Variants in COX6B1 observed in about 807,000 individuals in gnomAD.
COX6B1 encodes the protein COX VIb-1.
A neutral mutation model predicts 14.0 loss-of-function variants in COX6B1; 2 were observed. That is an observed-to-expected ratio of 0.14 (90% CI 0.06 to 0.45). The LOEUF (loss-of-function observed/expected upper bound fraction) is 0.45, where lower values mean the gene tolerates loss of function less well. Among genes scored for constraint, COX6B1 ranks in the 20% least tolerant of loss-of-function variants. COX6B1 has a pLI of 0.98. For missense variants in COX6B1, 81 were observed against 114.2 expected, an observed-to-expected ratio of 0.71 and a Z score of 1.33; for synonymous variants, 30 against 39.7, an observed-to-expected ratio of 0.76 and a Z score of 0.92.
intron 3 of COX6B1, 127 bp downstream of exon 3, chr19:35,654,798 C>A: frequency 1.3e-6 from 1 of 769,150 alleles, no homozygotes; most frequent in Non-Finnish European, 2.2e-6. Context: ...TGTCCCAGGA[C>A]TCAGTGCCTT....
intron 3 of COX6B1, among the ~76,000 whole-genome samples, chr19:35,656,836 G>A (rs1466543591): frequency 2.0e-5 from 3 of 152,142 alleles, no homozygotes; most frequent in Admixed American, 6.6e-5. Flanking sequence ...GTATGAGGTA[G>A]GTACTATTGT....
intron 2 of COX6B1, among the ~76,000 whole-genome samples, chr19:35,652,638 G>C (rs1033462314): frequency 4.1e-5 from 6 of 147,272 alleles, no homozygotes; most frequent in African/African-American, 7.5e-5. Flanking sequence ...TAAAGACAAG[G>C]TTTCACCATG....
intron 2 of COX6B1, among the ~76,000 whole-genome samples, chr19:35,653,827 CA>C (rs1353253546): frequency 6.6e-6 from 1 of 152,128 alleles, no homozygotes; most frequent in Non-Finnish European, 1.5e-5. Context: ...CTCGGCCTCC[CA>C]AAGTGCTGGG....
intron 1 of COX6B1, among the ~76,000 whole-genome samples, chr19:35,650,640 G>A (rs1298134083): frequency 1.3e-5 from 2 of 151,840 alleles, no homozygotes; most frequent in African/African-American, 2.4e-5. Context: ...TCTTGGAGGC[G>A]GAGTTTGCAG....
chr19:35,654,166 C>T (rs1967861995), intron 2 of COX6B1, among the ~76,000 whole-genome samples: 1 of 152,200 alleles, frequency 6.6e-6, no homozygotes, highest in Non-Finnish European at 1.5e-5. Context: ...TATTCTATGC[C>T]TGTACACTTG....
intron 1 of COX6B1, chr19:35,648,957 A>G (rs1348433259): frequency 1.9e-6 from 1 of 532,116 alleles, no homozygotes; most frequent in East Asian, 5.5e-5. Flanking sequence ...GGTGTTTTAC[A>G]CCCCACTTCC....
At position 35,656,465 on chromosome 19, in the gene COX6B1, C is replaced by CTATGTTGT. The variant is rs542808987; in HGVS notation, c.207+1797_207+1804dup. On this transcript the variant is annotated intron_variant, in intron 3 of 3. Transcript: ENST00000649813. ...ACCGCTGGCACTTATTATGGGCCAGCTATGTTGTTAGACCTTTTTTTTTTT... is the reference window on the plus strand; with the variant it reads ...ACCGCTGGCACTTATTATGGGCCAGCTATGTTGTTATGTTGTTAGACCTTTTTTTTTTT... 8.5e-4 allele frequency among the ~76,000 whole-genome samples: 125 copies of CTATGTTGT among 146,760 alleles called. 3 individuals carry two copies. The East Asian group carries it at 0.021, about 25-fold the overall frequency.
intron 3 of COX6B1, among the ~76,000 whole-genome samples, chr19:35,655,500 C>T (rs1284877197): frequency 6.6e-6 from 1 of 152,116 alleles, no homozygotes; most frequent in Non-Finnish European, 1.5e-5. Flanking sequence ...GTCATTTCAC[C>T]CCTGCCTACT....
intron 3 of COX6B1, among the ~76,000 whole-genome samples, chr19:35,658,116 C>T (rs751533673): frequency 2.0e-5 from 3 of 152,128 alleles, no homozygotes; most frequent in South Asian, 2.1e-4. Context: ...TACTGAGCAT[C>T]GCCTGTGGTC....
chr19:35,658,427 C>T (rs1967910869), intron 3 of COX6B1, among the ~76,000 whole-genome samples, 167 bp from the exon 4 acceptor site: 1 of 152,152 alleles, frequency 6.6e-6, no homozygotes, highest in African/African-American at 2.4e-5. Flanking sequence ...ACAGTGATTT[C>T]TGTCTTTTGG....
rs569060938 is a variant in COX6B1 at position 35,654,600 on chromosome 19, G to A, written c.136G>A (p.Ala46Thr). Reference sequence around the variant, plus strand: ...CCACCGCTGTCAGAAGGCAATGACCGCTAAAGGAGGCGATATCTCTGTGTG... The same window carrying A: ...CCACCGCTGTCAGAAGGCAATGACCACTAAAGGAGGCGATATCTCTGTGTG... ...DFHRCQKAMT[A>T]KGGDISVCEW... The change falls in exon 3 of 4, where the codon GCT (alanine) becomes ACT (threonine). Residue 46 changes from alanine to threonine, a missense_variant. Ala to Thr is a moderately conservative substitution (Grantham distance 58). Coordinates refer to ENST00000649813, the MANE Select transcript of COX6B1 (RefSeq NM_001863.5). 8.9e-5 allele frequency: 144 copies of A among 1,614,032 alleles called. 3 individuals carry two copies. The South Asian group carries it at 1.4e-3, about 16-fold the overall frequency.
chr19:35,655,828 G>A (rs889679180), intron 3 of COX6B1, among the ~76,000 whole-genome samples: 1 of 135,092 alleles, frequency 7.4e-6, no homozygotes, highest in Non-Finnish European at 1.6e-5. Context: ...TTTCTCTCTC[G>A]CTCTCTCTTT....
Position 35,653,021 on chromosome 19 carries a change from T to G in COX6B1, c.107-1550T>G, listed in dbSNP as rs1020621385. Among the ~76,000 whole-genome samples the G allele has an allele frequency of 2.7e-5, 4 of 146,262 alleles. No homozygotes were observed. In the East Asian group the frequency reaches 8.2e-4, roughly 30 times the overall value. On this transcript the variant is annotated intron_variant, in intron 2 of 3. Transcript: ENST00000649813. ...TCTCGCTTTGTCGCCCAGGTTGGAG[T>G]GCAGTGGTGCAATCTCGACTCACTG... is the stretch of plus-strand genomic sequence containing the variant.
rs1375960051 is a variant in COX6B1, at chr19:35,648,369, C to T, written c.-46C>T. On this transcript the variant is annotated 5_prime_UTR_variant, in exon 1 of 4. Transcript: ENST00000649813. ...ACTGTGGTGTCTTTGCTGAGGGTCA[C>T]ATTGAGCTGCAGGTTGAATCCGGGG... is the stretch of plus-strand genomic sequence containing the variant. 1 of 156,752 alleles carries T rather than the reference C, an allele frequency of 6.4e-6. No individual in the cohort carries two copies. Among genetic ancestry groups the T allele is most frequent in the South Asian group, 1.6e-4 (1 of 6,106 alleles). 9.7% of individuals were successfully genotyped at this position (156,752 alleles called of 1,614,324 possible).
Position 35,656,479 on chromosome 19 carries a change from CTTT to C in COX6B1, c.207+1825_207+1827del, listed in dbSNP as rs371195079. On this transcript the variant is annotated intron_variant, in intron 3 of 3. Coordinates refer to ENST00000649813, the MANE Select transcript of COX6B1 (RefSeq NM_001863.5). Reference sequence around the variant, plus strand: ...TTATGGGCCAGCTATGTTGTTAGACCTTTTTTTTTTTTTTTTTTTGAGATGGAG... The same window carrying C: ...TTATGGGCCAGCTATGTTGTTAGACCTTTTTTTTTTTTTTTTGAGATGGAG... 1.6e-4 allele frequency among the ~76,000 whole-genome samples: 19 copies of C among 122,544 alleles called. No individual in the cohort carries two copies. The South Asian group carries it at 4.8e-3, about 31-fold the overall frequency. The allele number at this position is 122,544 out of a possible 152,430, so 80.4% of individuals were successfully genotyped here.
At chr19:35,649,453 C>T (rs959413227) in intron 1 of COX6B1, among the ~76,000 whole-genome samples, 3 of 151,558 alleles carry the variant, frequency 2.0e-5, no homozygotes, top group Admixed American at 6.6e-5. Flanking sequence ...ACCACAGGCA[C>T]GCGCCACCAC....
At position 35,651,270 on chromosome 19, in the gene COX6B1, C is replaced by A; in HGVS notation, c.27C>A (p.Ile9=). 6.2e-6 allele frequency: 10 copies of A among 1,614,100 alleles called. No homozygotes were observed. The highest frequency in any genetic ancestry group is 8.5e-6 in the Non-Finnish European group (10 of 1,179,954). The change falls in exon 2 of 4, where the codon ATC becomes ATA. Residue 9 remains isoleucine, a synonymous_variant. Transcript: ENST00000649813. ...TGGCGGAAGACATGGAGACCAAAATCAAGAACTACAAGACCGCCCCTTTTG... is the reference window on the plus strand; with the variant it reads ...TGGCGGAAGACATGGAGACCAAAATAAAGAACTACAAGACCGCCCCTTTTG... The part of the protein sequence containing the change: MAEDMETK[I]KNYKTAPFDS...
chr19:35,651,183 TGCTCAGG>T (rs772642869), intron 1 of COX6B1, 43 bp from the exon 2 acceptor site: 2 of 1,171,506 alleles, frequency 1.7e-6, no homozygotes, highest in Non-Finnish European at 2.6e-6. Flanking sequence ...TAGTCTGGCT[TGCTCAGG>T]GCCCCTGGGG....
rs751129070 is a variant in COX6B1, at chr19:35,654,660, C to A, written c.196C>A (p.Pro66Thr). Residue 66 changes from proline to threonine, a missense_variant, in exon 3 of 4, where the codon CCC becomes ACC. Pro to Thr is a conservative substitution (Grantham distance 38, BLOSUM62 -1). Transcript: ENST00000649813. The stretch of plus-strand genomic sequence containing the variant: ...CCAGCGTGTGTACCAGTCCCTCTGC[C>A]CCACATCCTGGGTATGTGCCTCCTG... Reference protein sequence around the residue: ...WYQRVYQSLCPTSWVTDWDEQ... With the variant: ...WYQRVYQSLCTTSWVTDWDEQ... 1.2e-6 allele frequency: 2 copies of A among 1,614,106 alleles called. No homozygotes were observed. Among genetic ancestry groups the A allele is most frequent in the Admixed American group, 3.3e-5 (2 of 60,012 alleles).
Sources: allele counts gnomAD v4.1 joint callset (sites outside exome capture counted in the v4.1 genomes callset), GRCh38; gene constraint gnomAD v4.1.1; transcripts MANE v1.5; gene names NCBI Gene and HGNC (gene_info 2026-07-23, HGNC 2026-07-21).